Variants in NPAS3 observed in about 807,000 individuals in gnomAD.
NPAS3 encodes the protein neuronal PAS domain-containing protein 3.
A neutral mutation model predicts 73.1 loss-of-function variants in NPAS3; 14 were observed. The observed-to-expected ratio is 0.19, with a 90% CI of 0.13 to 0.30. The LOEUF is 0.30. Among genes scored for constraint, NPAS3 ranks in the 10% least tolerant of loss-of-function variants. NPAS3 has a pLI of 1.00. For synonymous variants in NPAS3, 620 were observed against 541.5 expected, an observed-to-expected ratio of 1.14 and a Z score of -2.01; for missense variants, 1,096 against 1,250.0, an observed-to-expected ratio of 0.88 and a Z score of 1.86.
intron 4 of NPAS3, among the ~76,000 whole-genome samples, chr14:33,515,967 C>T (rs10483450): frequency 0.29 from 44,015 of 152,026 alleles, 7,351 homozygotes; most frequent in East Asian, 0.43. Context: ...AATTGAATAA[C>T]AATGGTAGCT....
chr14:33,786,197 TA>T (rs1449210391), intron 9 of NPAS3, among the ~76,000 whole-genome samples: 1 of 152,304 alleles, frequency 6.6e-6, no homozygotes, highest in African/African-American at 2.4e-5. Flanking sequence ...AGTGGCAGAA[TA>T]GCTGTTGAGC....
intron 3 of NPAS3, among the ~76,000 whole-genome samples, chr14:33,302,812 T>C (rs1234906098): frequency 6.6e-6 from 1 of 152,198 alleles, no homozygotes; most frequent in East Asian, 1.9e-4. Context: ...CACTCTTTTG[T>C]TTCCCATTTC....
At chr14:33,604,461 C>T (rs1298837297) in intron 5 of NPAS3, among the ~76,000 whole-genome samples, 6 of 151,728 alleles carry the variant, frequency 4.0e-5, no homozygotes, top group East Asian at 1.9e-4. Context: ...AAAGGACACC[C>T]GAGTATAAAG....
intron 5 of NPAS3, among the ~76,000 whole-genome samples, chr14:33,587,817 T>C (rs2056918094): frequency 6.6e-6 from 1 of 152,196 alleles, no homozygotes; most frequent in Admixed American, 6.5e-5. Flanking sequence ...TAAATTATCA[T>C]ATAAAAGTCT....
At chr14:32,959,531 T>G (rs982115664) in intron 1 of NPAS3, among the ~76,000 whole-genome samples, 1 of 152,242 alleles carries the variant, frequency 6.6e-6, no homozygotes, top group African/African-American at 2.4e-5. Context: ...TGATTTTATT[T>G]TATTTTTGCC....
intron 1 of NPAS3, among the ~76,000 whole-genome samples, chr14:33,053,074 T>G (rs1488044714): frequency 6.6e-6 from 1 of 152,216 alleles, no homozygotes; most frequent in African/African-American, 2.4e-5. Context: ...GGTGTAATTG[T>G]TAAGGCGTCA....
chr14:33,573,382 T>A (rs1442366301), intron 5 of NPAS3, among the ~76,000 whole-genome samples: 1 of 152,206 alleles, frequency 6.6e-6, no homozygotes, highest in African/African-American at 2.4e-5. Flanking sequence ...CAAGCTACGA[T>A]GACCTACAAG....
At chr14:33,387,511 C>T (rs548343250) in intron 4 of NPAS3, among the ~76,000 whole-genome samples, 11 of 152,250 alleles carry the variant, frequency 7.2e-5, no homozygotes, top group African/African-American at 2.6e-4. Context: ...ATATTACATG[C>T]ACTTTGGGAG....
chr14:33,318,719 A>G (rs943188860), intron 3 of NPAS3, among the ~76,000 whole-genome samples: 1 of 152,142 alleles, frequency 6.6e-6, no homozygotes. Flanking sequence ...GGGGAAATGT[A>G]TAGTCATAAT....
intron 4 of NPAS3, among the ~76,000 whole-genome samples, chr14:33,423,010 A>G (rs909880473): frequency 3.3e-5 from 5 of 152,024 alleles, no homozygotes; most frequent in Admixed American, 2.6e-4. Context: ...AGCAATAAAC[A>G]TACTTGATAA....
At chr14:32,951,268 A>G (rs1180810376) in intron 1 of NPAS3, among the ~76,000 whole-genome samples, 1 of 152,160 alleles carries the variant, frequency 6.6e-6, no homozygotes, top group Admixed American at 6.6e-5. Flanking sequence ...GATATATAAT[A>G]TAAAATAATG....
intron 5 of NPAS3, among the ~76,000 whole-genome samples, chr14:33,644,767 A>G (rs373390050): frequency 6.6e-6 from 1 of 152,068 alleles, no homozygotes; most frequent in Admixed American, 6.6e-5. Flanking sequence ...TGTTTTCTTT[A>G]AAAAAAGAAA....
chr14:33,419,711 A>G (rs2048297354), intron 4 of NPAS3, among the ~76,000 whole-genome samples: 1 of 151,926 alleles, frequency 6.6e-6, no homozygotes, highest in African/African-American at 2.4e-5. Flanking sequence ...TTTCTATCTG[A>G]TAAGGAGCTA....
chr14:33,443,835 C>G (rs1192083821), intron 4 of NPAS3, among the ~76,000 whole-genome samples: 2 of 152,158 alleles, frequency 1.3e-5, no homozygotes, highest in African/African-American at 4.8e-5. Flanking sequence ...TGGTCACCAG[C>G]TGGAGCCATT....
chr14:33,584,060 G>A (rs1402697264), intron 5 of NPAS3, among the ~76,000 whole-genome samples: 1 of 152,092 alleles, frequency 6.6e-6, no homozygotes, highest in African/African-American at 2.4e-5. Flanking sequence ...AATAGCAGCA[G>A]TACCTTTGTC....
chr14:32,995,566 AT>A (rs1244766077), intron 1 of NPAS3, among the ~76,000 whole-genome samples: 1 of 152,122 alleles, frequency 6.6e-6, no homozygotes, highest in East Asian at 1.9e-4. Flanking sequence ...ATTCCCATGT[AT>A]TGTGGGAGAT....
intron 1 of NPAS3, among the ~76,000 whole-genome samples, chr14:32,961,074 G>A (rs1457772360): frequency 1.3e-5 from 2 of 152,140 alleles, no homozygotes; most frequent in East Asian, 1.9e-4. Flanking sequence ...AACTCAAAGT[G>A]ATATTTGACC....
At chr14:33,603,287 T>C (rs140508322) in intron 5 of NPAS3, among the ~76,000 whole-genome samples, 4,145 of 152,208 alleles carry the variant, frequency 0.027, 190 homozygotes, top group Admixed American at 0.12. Flanking sequence ...GTAGAAACTA[T>C]GCAAAATGAA....
At chr14:33,070,655 C>T (rs2041454614) in intron 2 of NPAS3, among the ~76,000 whole-genome samples, 1 of 152,148 alleles carries the variant, frequency 6.6e-6, no homozygotes. Context: ...TAGCACATGG[C>T]GTAGGGGTCA....
Sources: allele counts gnomAD v4.1 joint callset (sites outside exome capture counted in the v4.1 genomes callset), GRCh38; gene constraint gnomAD v4.1.1; transcripts MANE v1.5; gene names NCBI Gene and HGNC (gene_info 2026-07-23, HGNC 2026-07-21).